The following KLHDC1 variants were observed in gnomAD, a reference collection of about 807,000 sequenced individuals.
KLHDC1 encodes the protein kelch domain containing 1, also known as kelch domain-containing protein 1.
In KLHDC1, 53 loss-of-function variants were observed where a neutral mutation model predicts 68.3. That is an observed-to-expected ratio of 0.78 (90% CI 0.62 to 0.98). KLHDC1 has a LOEUF of 0.98. Among genes scored for constraint, KLHDC1 ranks in the 50% least tolerant of loss-of-function variants. KLHDC1 has a pLI of 0.00. For synonymous variants in KLHDC1, 148 were observed against 159.0 expected (o/e 0.93, Z 0.52); for missense variants, 470 against 492.3 (o/e 0.95, Z 0.43).
chr14:49,699,342 T>G (rs1887835054), intron 1 of KLHDC1, among the ~76,000 whole-genome samples: 1 of 150,398 alleles, frequency 6.6e-6, no homozygotes, highest in Admixed American at 6.7e-5. Context: ...TTATCAGCAG[T>G]CAAGAAGTGT....
chr14:49,734,253 A>G (rs1026797312), intron 9 of KLHDC1, among the ~76,000 whole-genome samples: 2 of 152,154 alleles, frequency 1.3e-5, no homozygotes, highest in Non-Finnish European at 2.9e-5. Context: ...CATTGTGGTT[A>G]TGTAAAAAAT....
intron 8 of KLHDC1, among the ~76,000 whole-genome samples, 179 bp from the exon 9 acceptor site, chr14:49,732,525 A>G (rs1423361453): frequency 6.6e-6 from 1 of 152,136 alleles, no homozygotes; most frequent in African/African-American, 2.4e-5. Flanking sequence ...CATTAAATGG[A>G]AAGATTTTTT....
At chr14:49,700,547 G>A (rs564538326) in intron 1 of KLHDC1, among the ~76,000 whole-genome samples, 7 of 152,244 alleles carry the variant, frequency 4.6e-5, no homozygotes, top group South Asian at 2.1e-4. Flanking sequence ...TTGTGCCATC[G>A]CACTCCAGCC....
intron 1 of KLHDC1, among the ~76,000 whole-genome samples, chr14:49,699,036 T>G (rs2139727900): frequency 6.6e-6 from 1 of 151,418 alleles, no homozygotes; most frequent in East Asian, 2.0e-4. Context: ...TGGTGGCACG[T>G]GCCTGTAATC....
intron 1 of KLHDC1, among the ~76,000 whole-genome samples, chr14:49,696,980 A>G (rs192244581): frequency 1.7e-3 from 257 of 149,322 alleles, no homozygotes; most frequent in African/African-American, 6.1e-3. Context: ...TCCATCGCCG[A>G]GGCTGGAGTG....
At chr14:49,704,370 AT>A (rs1178201915) in intron 1 of KLHDC1, among the ~76,000 whole-genome samples, 2 of 64,580 alleles carry the variant, frequency 3.1e-5, no homozygotes. Context: ...TTGTCTTTTT[AT>A]TTTTTTTCCT....
At position 49,693,201 on chromosome 14, in the gene KLHDC1, G is replaced by A. The variant is rs1887616692; in HGVS notation, c.7G>A (p.Asp3Asn). The change falls in exon 1 of 13, where the codon GAC (aspartate) becomes AAC (asparagine). Residue 3 changes from aspartate to asparagine, a missense_variant. Asp to Asn is a conservative substitution (Grantham distance 23). Coordinates refer to ENST00000359332, the MANE Select transcript of KLHDC1 (RefSeq NM_172193.3). ...CGGGCCAGCGACGGCGCGAATGGCG[G>A]ACTCTCAGCTGTTCTGTGTGGCGGA... MADSQLFCVAEER... is the reference protein window; with the variant it reads MANSQLFCVAEER... 12 of 1,584,024 alleles carry A rather than the reference G, an allele frequency of 7.6e-6. No homozygotes were observed. Among genetic ancestry groups the A allele is most frequent in the Non-Finnish European group, 1.0e-5 (12 of 1,166,850 alleles).
At chr14:49,707,507 C>A (rs1473557978) in intron 1 of KLHDC1, among the ~76,000 whole-genome samples, 3 of 151,208 alleles carry the variant, frequency 2.0e-5, no homozygotes, top group Admixed American at 2.0e-4. Context: ...ACCACCACGC[C>A]CAGCTAATTT....
intron 4 of KLHDC1, among the ~76,000 whole-genome samples, chr14:49,713,851 T>TATATA (rs1390464741): frequency 3.9e-5 from 1 of 25,640 alleles, no homozygotes; most frequent in African/African-American, 1.8e-4. Context: ...TATATATATA[T>TATATA]TTTTTTTTTT....
chr14:49,733,876 C>CAGT (rs1172868907), intron 9 of KLHDC1, among the ~76,000 whole-genome samples: 1 of 152,124 alleles, frequency 6.6e-6, no homozygotes, highest in Non-Finnish European at 1.5e-5. Flanking sequence ...GTGTGTCTGG[C>CAGT]AGTCAGACAA....
chr14:49,698,913 C>T (rs909779992), intron 1 of KLHDC1, among the ~76,000 whole-genome samples: 20 of 151,902 alleles, frequency 1.3e-4, no homozygotes, highest in African/African-American at 4.8e-4. Flanking sequence ...CGCCTGTAAT[C>T]CCAGCACTTT....
chr14:49,748,862 G>T (rs919351581), intron 12 of KLHDC1, among the ~76,000 whole-genome samples: 1 of 151,098 alleles, frequency 6.6e-6, no homozygotes, highest in Non-Finnish European at 1.5e-5. Context: ...GTGCAGTGGC[G>T]CAATCTTGGC....
chr14:49,707,856 A>G (rs916918628), intron 1 of KLHDC1: 1 of 146,274 alleles, frequency 6.8e-6, no homozygotes, highest in Non-Finnish European at 1.5e-5. Context: ...AGATCTGGCT[A>G]TGATGCCCAG....
rs35067251 is a variant in KLHDC1, at chr14:49,704,387, G to GTTTTTTTT, written c.97-4755_97-4748dup. On this transcript the variant is annotated intron_variant, in intron 1 of 12. Transcript: ENST00000359332. ...GTCTTTTTATTTTTTTTCCTTTTCTGTTTTTTTTTTTTTTTTTTTTTTTTG... is the reference window on the plus strand; with the variant it reads ...GTCTTTTTATTTTTTTTCCTTTTCTGTTTTTTTTTTTTTTTTTTTTTTTTTTTTTTTTG... Among the ~76,000 whole-genome samples, 116 of 68,722 alleles carry GTTTTTTTT rather than the reference G, an allele frequency of 1.7e-3. 2 individuals carry two copies. Among genetic ancestry groups the GTTTTTTTT allele is most frequent in the Non-Finnish European group, 1.9e-3 (79 of 41,024 alleles). The allele number at this position is 68,722 out of a possible 152,430, so 45.1% of individuals were successfully genotyped here.
At chr14:49,722,381 C>T (rs1451586243) in intron 4 of KLHDC1, among the ~76,000 whole-genome samples, 1 of 152,072 alleles carries the variant, frequency 6.6e-6, no homozygotes, top group African/African-American at 2.4e-5. Flanking sequence ...TTTTTTGTCC[C>T]TGTGATAGTT....
At chr14:49,717,877 A>G (rs1024795143) in intron 4 of KLHDC1, among the ~76,000 whole-genome samples, 1 of 151,804 alleles carries the variant, frequency 6.6e-6, no homozygotes, top group Non-Finnish European at 1.5e-5. Flanking sequence ...TTTTCTTGAG[A>G]TATAATTTAT....
chr14:49,741,830 G>C (rs1166675369), intron 11 of KLHDC1, among the ~76,000 whole-genome samples: 3 of 152,090 alleles, frequency 2.0e-5, no homozygotes, highest in Non-Finnish European at 4.4e-5. Context: ...AGGAATGATT[G>C]ATGTGGTTTT....
At position 49,737,874 on chromosome 14, in the gene KLHDC1, A is replaced by AC. The variant is rs1262894162; in HGVS notation, c.897-2224_897-2223insC. ...AGCCAGATCCTGTCTCAAAAAAAAA[A>AC]AAAAAAAAAAAACAAGGAATCAAAG... On this transcript the variant is annotated intron_variant, in intron 10 of 12. Transcript: ENST00000359332. 3.3e-5 allele frequency among the ~76,000 whole-genome samples: 5 copies of AC among 151,692 alleles called. No individual in the cohort carries two copies. The South Asian group carries it at 6.2e-4, about 19-fold the overall frequency.
chr14:49,732,100 A>G (rs1383076749), intron 8 of KLHDC1, among the ~76,000 whole-genome samples: 1 of 152,208 alleles, frequency 6.6e-6, no homozygotes, highest in Non-Finnish European at 1.5e-5. Flanking sequence ...AATTGTGTTG[A>G]AAAACTAAGG....
Sources: allele counts gnomAD v4.1 joint callset (sites outside exome capture counted in the v4.1 genomes callset), GRCh38; gene constraint gnomAD v4.1.1; transcripts MANE v1.5; gene names NCBI Gene and HGNC (gene_info 2026-07-23, HGNC 2026-07-21).